DAW1: variants seen among roughly 807,000 people sequenced by gnomAD.
DAW1 encodes the protein dynein assembly factor with WD repeat domains 1.
A neutral mutation model predicts 56.5 loss-of-function variants in DAW1; 47 were observed. The ratio of observed to expected loss-of-function variants is 0.83; its 90% CI spans 0.66 to 1.06. DAW1 has a LOEUF of 1.06. DAW1 is among the 50% of genes least tolerant of loss of function. The pLI, the probability that DAW1 is intolerant of heterozygous loss-of-function variation, is 0.00. For missense variants in DAW1, 505 were observed against 499.3 expected (o/e 1.01, Z -0.11); for synonymous variants, 190 against 179.0 (o/e 1.06, Z -0.49).
chr2:227,910,918 A>C (rs1691798930), intron 10 of DAW1, among the ~76,000 whole-genome samples: 1 of 151,992 alleles, frequency 6.6e-6, no homozygotes. Context: ...ATGTGTCATC[A>C]CCCAGATACT....
chr2:227,886,576 T>C (rs13035045), intron 2 of DAW1, among the ~76,000 whole-genome samples: 80,608 of 151,830 alleles, frequency 0.53, 21,675 homozygotes, highest in Admixed American at 0.62. Flanking sequence ...GAGATCGCGG[T>C]GCTGTACTCC....
At chr2:227,913,105 C>T (rs1045296544) in intron 10 of DAW1, among the ~76,000 whole-genome samples, 1 of 152,160 alleles carries the variant, frequency 6.6e-6, no homozygotes, top group African/African-American at 2.4e-5. Flanking sequence ...TCTGAATCAT[C>T]TCCTAGATAA....
In DAW1 at chr2:227,917,187, T is replaced by G. The variant is rs911713300; in HGVS notation, c.974-1593T>G. Among the ~76,000 whole-genome samples the G allele has an allele frequency of 1.8e-4, 27 of 151,808 alleles. 2 individuals are homozygous for G. The highest frequency in any genetic ancestry group is 9.7e-4 in the East Asian group (5 of 5,168). ...GTCTGTCTGTCTGTCTGTCTATCTA[T>G]GTATCTATCCATCTATCGATCGATC... On this transcript the variant is annotated intron_variant, in intron 10 of 12. Coordinates refer to ENST00000309931, the MANE Select transcript of DAW1 (RefSeq NM_178821.3).
At chr2:227,887,238 A>G (rs1314172690) in intron 2 of DAW1, among the ~76,000 whole-genome samples, 2 of 152,250 alleles carry the variant, frequency 1.3e-5, no homozygotes, top group Non-Finnish European at 2.9e-5. Flanking sequence ...AGTTTCATTG[A>G]ATACAACAAT....
At chr2:227,911,321 C>CATATATACATGTGT (rs1691821885) in intron 10 of DAW1, among the ~76,000 whole-genome samples, 1 of 70,956 alleles carries the variant, frequency 1.4e-5, no homozygotes, top group African/African-American at 4.2e-5. Context: ...AGCATATATA[C>CATATATACATGTGT]ATATATACAT....
At chr2:227,888,109 A>G (rs1237526502) in intron 2 of DAW1, among the ~76,000 whole-genome samples, 1 of 152,172 alleles carries the variant, frequency 6.6e-6, no homozygotes, top group Non-Finnish European at 1.5e-5. Flanking sequence ...TTTTTGTTCA[A>G]AATATTCACT....
intron 10 of DAW1, among the ~76,000 whole-genome samples, chr2:227,917,359 C>G (rs1691980381): frequency 1.3e-5 from 2 of 151,740 alleles, no homozygotes; most frequent in Admixed American, 6.6e-5. Context: ...CTCCTGGGTT[C>G]ATGCCATTCT....
chr2:227,896,593 AGTGTGTGTGTGT>A (rs5839240), intron 5 of DAW1, among the ~76,000 whole-genome samples: 37 of 143,674 alleles, frequency 2.6e-4, no homozygotes, highest in African/African-American at 6.0e-4. Flanking sequence ...AATAAGAGGG[AGTGTGTGTGTGT>A]GTGTGTGTGT....
chr2:227,903,999 A>T (rs1395822638), intron 7 of DAW1, among the ~76,000 whole-genome samples: 11 of 134,850 alleles, frequency 8.2e-5, no homozygotes, highest in African/African-American at 3.0e-4. Flanking sequence ...TTTTTTTTTT[A>T]AATCATTACT....
chr2:227,913,928 TTC>T (rs1269438908), intron 10 of DAW1, among the ~76,000 whole-genome samples: 14 of 147,666 alleles, frequency 9.5e-5, no homozygotes, highest in Non-Finnish European at 1.2e-4. Context: ...TCTATCTATC[TTC>T]ATCATCATCA....
At chr2:227,908,404 A>C (rs1321342404) in intron 10 of DAW1, among the ~76,000 whole-genome samples, 1 of 152,156 alleles carries the variant, frequency 6.6e-6, no homozygotes, top group Admixed American at 6.5e-5. Context: ...ATGCAATGCT[A>C]TATGATGTTT....
chr2:227,901,758 G>C (rs1043759465), intron 6 of DAW1, among the ~76,000 whole-genome samples: 1 of 152,094 alleles, frequency 6.6e-6, no homozygotes, highest in Non-Finnish European at 1.5e-5. Flanking sequence ...ATGGTAGACT[G>C]TTTCCCAAGA....
In DAW1 at chr2:227,891,336, A is replaced by G. The variant is rs903061735; in HGVS notation, c.317+23A>G. The G allele has an allele frequency of 1.9e-6, 3 of 1,599,010 alleles. No individual in the cohort carries two copies. The African/African-American group carries it at 4.0e-5, about 21-fold the overall frequency. On this transcript the variant is annotated intron_variant, in intron 4 of 12. Transcript: ENST00000309931. ...ATGGTAAGATTCTCTTTTTATGTCTAATTTTTAGCAGTGAAACAAATTTCT... is the reference window on the plus strand; with the variant it reads ...ATGGTAAGATTCTCTTTTTATGTCTGATTTTTAGCAGTGAAACAAATTTCT...
chr2:227,898,032 T>C (rs949889987), intron 5 of DAW1, 150 bp from the exon 6 acceptor site: 2 of 357,040 alleles, frequency 5.6e-6, no homozygotes, highest in Non-Finnish European at 1.0e-5. Flanking sequence ...ATTAGACTTT[T>C]ATTTTATTAT....
intron 1 of DAW1, among the ~76,000 whole-genome samples, chr2:227,882,172 A>G (rs930119687): frequency 1.2e-4 from 19 of 152,232 alleles, no homozygotes; most frequent in Admixed American, 3.3e-4. Context: ...ATATCAAACT[A>G]TGGTCTATAG....
rs1041665095 is a variant in DAW1 at position 227,882,649 on chromosome 2, A to T, written c.41-2702A>T. ...TGGTTAGGCTTTGTGTCCTCACCCAAATCTCATGTTGAATTATAATTCCCA... is the reference window on the plus strand; with the variant it reads ...TGGTTAGGCTTTGTGTCCTCACCCATATCTCATGTTGAATTATAATTCCCA... On this transcript the variant is annotated intron_variant, in intron 1 of 12. Coordinates refer to ENST00000309931, the MANE Select transcript of DAW1 (RefSeq NM_178821.3). Among the ~76,000 whole-genome samples, 11 of 152,316 alleles carry T rather than the reference A, an allele frequency of 7.2e-5. No homozygotes were observed. The East Asian group carries it at 1.7e-3, about 24-fold the overall frequency.
At chr2:227,918,156 CCATCCATCCATCCAT>C (rs1692011949) in intron 10 of DAW1, among the ~76,000 whole-genome samples, 2 of 91,260 alleles carry the variant, frequency 2.2e-5, no homozygotes, top group Admixed American at 1.1e-4. Flanking sequence ...ATCCATCCAT[CCATCCATCCATCCAT>C]CATCCATCCA....
At chr2:227,893,111 TA>T (rs1304775284) in intron 4 of DAW1, among the ~76,000 whole-genome samples, 28 of 144,260 alleles carry the variant, frequency 1.9e-4, no homozygotes, top group Admixed American at 2.8e-4. Context: ...CTACTAAAAA[TA>T]AAAAAAAAAA....
At chr2:227,901,876 G>A (rs1691554626) in intron 6 of DAW1, among the ~76,000 whole-genome samples, 1 of 152,154 alleles carries the variant, frequency 6.6e-6, no homozygotes, top group Non-Finnish European at 1.5e-5. Context: ...TAGTCTACAG[G>A]GAAGGAAAAG....
Sources: allele counts gnomAD v4.1 joint callset (sites outside exome capture counted in the v4.1 genomes callset), GRCh38; gene constraint gnomAD v4.1.1; transcripts MANE v1.5; gene names NCBI Gene and HGNC (gene_info 2026-07-23, HGNC 2026-07-21).